Variants in MCU observed in about 807,000 individuals in gnomAD.
MCU encodes the protein mitochondrial calcium uniporter.
Under a neutral mutation model 45.2 loss-of-function variants are expected in MCU, and 12 were observed. The observed-to-expected ratio is 0.27, with a 90% CI of 0.17 to 0.43. The LOEUF (loss-of-function observed/expected upper bound fraction) is 0.43. MCU is among the 20% of genes least tolerant of loss of function. The pLI is 1.00. For missense variants in MCU, 324 were observed against 436.7 expected, an observed-to-expected ratio of 0.74 and a Z score of 2.30; for synonymous variants, 160 against 165.1, an observed-to-expected ratio of 0.97 and a Z score of 0.24.
intron 1 of MCU, among the ~76,000 whole-genome samples, chr10:72,700,057 A>AT (rs1564532204): frequency 2.9e-5 from 3 of 104,466 alleles, no homozygotes; most frequent in African/African-American, 8.9e-5. Context: ...ATTGGGGTCA[A>AT]ATTTTTTTTT....
chr10:72,861,802 A>C, intron 4 of MCU: 1 of 304,930 alleles, frequency 3.3e-6, no homozygotes, highest in South Asian at 2.5e-5. Context: ...CAGCAAGATA[A>C]ATAGTATTTT....
chr10:72,776,043 C>T (rs1436858198), intron 1 of MCU, among the ~76,000 whole-genome samples: 4 of 151,990 alleles, frequency 2.6e-5, no homozygotes, highest in African/African-American at 9.7e-5. Context: ...TGGCATGTGC[C>T]TGTAGCCCCA....
chr10:72,811,125 A>G (rs191290265), intron 1 of MCU, among the ~76,000 whole-genome samples: 5 of 152,370 alleles, frequency 3.3e-5, no homozygotes, highest in African/African-American at 9.6e-5. Context: ...CAAAATAAAC[A>G]TGAATCTTTT....
intron 6 of MCU, among the ~76,000 whole-genome samples, chr10:72,882,513 C>T (rs915932082): frequency 1.3e-5 from 2 of 152,092 alleles, no homozygotes; most frequent in African/African-American, 4.8e-5. Context: ...TGGGTGTGGC[C>T]GTCTTCTATG....
chr10:72,782,121 A>G (rs1268955428), intron 1 of MCU, among the ~76,000 whole-genome samples: 1 of 152,138 alleles, frequency 6.6e-6, no homozygotes, highest in East Asian at 1.9e-4. Flanking sequence ...ACACATTCAG[A>G]TGAGAGGAAC....
chr10:72,780,750 T>C (rs1248779980), intron 1 of MCU, among the ~76,000 whole-genome samples: 1 of 152,188 alleles, frequency 6.6e-6, no homozygotes, highest in Non-Finnish European at 1.5e-5. Context: ...GGAAGAGTGA[T>C]GTCTGGATCT....
At chr10:72,745,831 AT>A (rs990610315) in intron 1 of MCU, among the ~76,000 whole-genome samples, 5 of 151,664 alleles carry the variant, frequency 3.3e-5, no homozygotes, top group Middle Eastern at 6.8e-3. Context: ...AGCTATTCAA[AT>A]TTTTTTTTAT....
intron 1 of MCU, among the ~76,000 whole-genome samples, chr10:72,701,966 G>A (rs1187415191): frequency 6.6e-6 from 1 of 152,056 alleles, no homozygotes; most frequent in African/African-American, 2.4e-5. Context: ...CCAGCCGGGC[G>A]CTGTGGCTCA....
At chr10:72,824,170 A>G (rs989915703) in intron 1 of MCU, among the ~76,000 whole-genome samples, 2 of 150,814 alleles carry the variant, frequency 1.3e-5, no homozygotes, top group African/African-American at 4.9e-5. Flanking sequence ...AAGGAATCTT[A>G]CTAGTCAGCT....
At chr10:72,703,162 C>G (rs1030475568) in intron 1 of MCU, among the ~76,000 whole-genome samples, 10 of 152,058 alleles carry the variant, frequency 6.6e-5, no homozygotes, top group African/African-American at 2.4e-4. Context: ...TTAGGCTGGA[C>G]AATAGTAGTT....
At chr10:72,775,758 G>T (rs1297713323) in intron 1 of MCU, among the ~76,000 whole-genome samples, 2 of 152,098 alleles carry the variant, frequency 1.3e-5, no homozygotes, top group African/African-American at 4.8e-5. Flanking sequence ...CCACCAAAAT[G>T]GGAAATCTAG....
Position 72,871,464 on chromosome 10 carries a change from A to G in MCU, c.745A>G (p.Ile249Val). ...TGCCTACATGGCCACACAGTTTGGC[A>G]TTTTGGCCCGGCTTACCTGGTGGGA... is the stretch of plus-strand genomic sequence containing the variant. Reference protein sequence around the residue: ...GLAYMATQFGILARLTWWEYS... With the variant: ...GLAYMATQFGVLARLTWWEYS... Residue 249 changes from isoleucine (I) to valine (V), a missense_variant, in exon 6 of 8, where the codon ATT (isoleucine) becomes GTT (valine). Physicochemically the swap from Ile to Val is conservative, Grantham distance 29. Coordinates refer to ENST00000373053, the MANE Select transcript of MCU (RefSeq NM_138357.3). 3 of 1,614,190 alleles carry G rather than the reference A, an allele frequency of 1.9e-6. No homozygotes were observed. The highest frequency in any genetic ancestry group is 2.5e-6 in the Non-Finnish European group (3 of 1,180,032).
intron 2 of MCU, among the ~76,000 whole-genome samples, chr10:72,845,503 T>C (rs1845108193): frequency 6.6e-6 from 1 of 152,184 alleles, no homozygotes; most frequent in Non-Finnish European, 1.5e-5. Flanking sequence ...TAATACTGTA[T>C]TTTTACTGCA....
chr10:72,820,116 T>C (rs932716087), intron 1 of MCU, among the ~76,000 whole-genome samples: 3 of 152,202 alleles, frequency 2.0e-5, no homozygotes, highest in Non-Finnish European at 2.9e-5. Context: ...TCACAAAATA[T>C]CCGTTTACAT....
chr10:72,790,177 A>G (rs975147132), intron 1 of MCU, among the ~76,000 whole-genome samples: 3 of 152,204 alleles, frequency 2.0e-5, no homozygotes, highest in African/African-American at 7.2e-5. Flanking sequence ...ACCCTACAGC[A>G]TTGAAGTCCC....
intron 1 of MCU, among the ~76,000 whole-genome samples, chr10:72,770,501 T>C (rs1404479588): frequency 2.0e-5 from 3 of 152,112 alleles, no homozygotes; most frequent in Non-Finnish European, 4.4e-5. Context: ...AGTGCTATTA[T>C]TATTAAATAT....
chr10:72,870,732 A>G (rs1436445956), intron 5 of MCU, among the ~76,000 whole-genome samples: 1 of 152,206 alleles, frequency 6.6e-6, no homozygotes, highest in African/African-American at 2.4e-5. Context: ...AGAATAGATT[A>G]AATCGTGTAT....
chr10:72,777,933 C>T (rs141432541), intron 1 of MCU, among the ~76,000 whole-genome samples: 2 of 152,288 alleles, frequency 1.3e-5, no homozygotes, highest in Non-Finnish European at 2.9e-5. Context: ...GTGAAAAATG[C>T]TCAGCATCAC....
At chr10:72,783,459 A>G (rs1315080854) in intron 1 of MCU, among the ~76,000 whole-genome samples, 1 of 150,894 alleles carries the variant, frequency 6.6e-6, no homozygotes, top group Non-Finnish European at 1.5e-5. Flanking sequence ...GAGGCTTTGC[A>G]TATGCCATGT....
Sources: gnomAD v4.1 joint callset for allele counts (sites outside exome capture counted in the v4.1 genomes callset) on GRCh38, gnomAD v4.1.1 for gene constraint, MANE v1.5 for transcripts, NCBI Gene and HGNC (gene_info 2026-07-23, HGNC 2026-07-21) for gene names.